Variants in TLL1 observed in about 807,000 individuals in gnomAD.
The protein encoded by TLL1 is tolloid-like protein 1.
Under a neutral mutation model 128.2 loss-of-function variants are expected in TLL1, and 49 were observed. That is an observed-to-expected ratio of 0.38 (90% CI 0.30 to 0.48). The LOEUF is 0.48. Among genes scored for constraint, TLL1 ranks in the 20% least tolerant of loss-of-function variants. The pLI is 0.96. For missense variants in TLL1, 1,123 were observed against 1,242.0 expected (o/e 0.90, Z 1.44); for synonymous variants, 454 against 418.8 (o/e 1.08, Z -1.03).
chr4:165,874,520 G>T (rs1038588586), intron 1 of TLL1, among the ~76,000 whole-genome samples: 1 of 152,116 alleles, frequency 6.6e-6, no homozygotes, highest in Non-Finnish European at 1.5e-5. Context: ...TTCCCCAAAA[G>T]ATACAGGAGG....
At chr4:165,979,163 C>G (rs559367831) in intron 1 of TLL1, among the ~76,000 whole-genome samples, 3 of 152,186 alleles carry the variant, frequency 2.0e-5, no homozygotes, top group East Asian at 3.9e-4. Flanking sequence ...ACATGCATAT[C>G]CTATGACCCA....
intron 1 of TLL1, among the ~76,000 whole-genome samples, chr4:165,928,384 G>A (rs7434734): frequency 6.6e-6 from 1 of 152,282 alleles, no homozygotes; most frequent in East Asian, 1.9e-4. Flanking sequence ...TTCTACAGTA[G>A]AACAGGGTAG....
At chr4:165,956,591 C>A (rs1444377359) in intron 1 of TLL1, among the ~76,000 whole-genome samples, 2 of 152,010 alleles carry the variant, frequency 1.3e-5, no homozygotes, top group Non-Finnish European at 1.5e-5. Flanking sequence ...TTCCCTTGTT[C>A]CCTAAAAATC....
intron 12 of TLL1, among the ~76,000 whole-genome samples, chr4:166,049,467 T>C: frequency 6.6e-6 from 1 of 152,190 alleles, no homozygotes; most frequent in East Asian, 1.9e-4. Flanking sequence ...TGAATATTAT[T>C]TGGCCATAGC....
chr4:166,051,701 C>T (rs1739746637), intron 12 of TLL1, among the ~76,000 whole-genome samples: 1 of 152,072 alleles, frequency 6.6e-6, no homozygotes, highest in Admixed American at 6.5e-5. Flanking sequence ...AACTGAAGAC[C>T]ATTCAGGTAA....
chr4:165,976,981 G>C (rs550653467), intron 1 of TLL1, among the ~76,000 whole-genome samples: 1 of 152,132 alleles, frequency 6.6e-6, no homozygotes, highest in Non-Finnish European at 1.5e-5. Context: ...ACCCAAGACA[G>C]TTCTTCCAGT....
At chr4:165,986,119 T>C (rs1455288677) in intron 1 of TLL1, among the ~76,000 whole-genome samples, 19 of 152,008 alleles carry the variant, frequency 1.2e-4, no homozygotes, top group Non-Finnish European at 2.9e-5. Context: ...AACTTTGTTT[T>C]TTGAGGTAAA....
At position 166,010,634 on chromosome 4, in the gene TLL1, A is replaced by C. The variant is rs188018618; in HGVS notation, c.917+2586A>C. On this transcript the variant is annotated intron_variant, in intron 7 of 20. Transcript: ENST00000061240. ...CAGTTGGCTGTGTCCTTTGATGTACACAATGCTGTATGTTTGATGTCATCC... is the reference window on the plus strand; with the variant it reads ...CAGTTGGCTGTGTCCTTTGATGTACCCAATGCTGTATGTTTGATGTCATCC... 2.1e-3 allele frequency among the ~76,000 whole-genome samples: 324 copies of C among 150,852 alleles called. 9 individuals carry two copies. Among genetic ancestry groups the C allele is most frequent in the Admixed American group, 0.02 (298 of 15,052 alleles).
chr4:166,039,309 C>A, intron 9 of TLL1, 30 bp from the exon 10 acceptor site: 1 of 1,487,314 alleles, frequency 6.7e-7, no homozygotes, highest in Non-Finnish European at 9.4e-7. Context: ...ATCATTTTTA[C>A]TCTGTGGGTT....
chr4:165,889,863 T>G (rs1731318163), intron 1 of TLL1, among the ~76,000 whole-genome samples: 2 of 152,236 alleles, frequency 1.3e-5, no homozygotes, highest in South Asian at 4.1e-4. Context: ...TTATTAAAAC[T>G]TTTAATAATA....
intron 1 of TLL1, among the ~76,000 whole-genome samples, chr4:165,936,902 C>A (rs1006279308): frequency 1.3e-5 from 2 of 152,136 alleles, no homozygotes; most frequent in African/African-American, 4.8e-5. Context: ...CACTGCACCC[C>A]AGCCTGAGTG....
chr4:165,960,648 G>A (rs750075400), intron 1 of TLL1, among the ~76,000 whole-genome samples: 3 of 152,082 alleles, frequency 2.0e-5, no homozygotes, highest in African/African-American at 7.2e-5. Context: ...GGGATGCAAG[G>A]TTGTTTCGAC....
At chr4:166,018,135 T>C (rs574899828) in intron 8 of TLL1, among the ~76,000 whole-genome samples, 1 of 152,208 alleles carries the variant, frequency 6.6e-6, no homozygotes, top group Non-Finnish European at 1.5e-5. Flanking sequence ...GAGTTTGTTT[T>C]TTTCTTACTC....
rs185098007 is a variant in TLL1, at chr4:166,006,217, T to C, written c.812-1726T>C. On this transcript the variant is annotated intron_variant, in intron 6 of 20. Transcript: ENST00000061240. ...GGTTACTCTAATTCATGTTAGAATATGATTTCAAGAAGGAGGCTTGCCATT... is the reference window on the plus strand; with the variant it reads ...GGTTACTCTAATTCATGTTAGAATACGATTTCAAGAAGGAGGCTTGCCATT... 8.4e-4 allele frequency among the ~76,000 whole-genome samples: 128 copies of C among 151,972 alleles called. 1 individual carries two copies. Among genetic ancestry groups the C allele is most frequent in the African/African-American group, 2.8e-3 (115 of 41,548 alleles).
At chr4:166,044,263 G>A (rs1177587342) in intron 12 of TLL1, 1 of 840,260 alleles carries the variant, frequency 1.2e-6, no homozygotes, top group East Asian at 2.7e-5. Context: ...GTGATCAGAA[G>A]GTAGTCATGA....
intron 1 of TLL1, among the ~76,000 whole-genome samples, chr4:165,953,001 A>G (rs751061061): frequency 7.2e-5 from 11 of 152,184 alleles, no homozygotes; most frequent in Non-Finnish European, 1.5e-4. Context: ...TGGTGGATTC[A>G]AACTTTTTTT....
At chr4:166,077,576 G>T (rs1405631648) in intron 17 of TLL1, among the ~76,000 whole-genome samples, 2 of 152,112 alleles carry the variant, frequency 1.3e-5, no homozygotes, top group East Asian at 1.9e-4. Flanking sequence ...ACCCAGTGTG[G>T]ATATTCTCGA....
chr4:165,922,612 T>C (rs1382103263), intron 1 of TLL1, among the ~76,000 whole-genome samples: 2 of 152,210 alleles, frequency 1.3e-5, no homozygotes, highest in Non-Finnish European at 2.9e-5. Flanking sequence ...AATATTTTTC[T>C]TCAGGCATAT....
intron 15 of TLL1, among the ~76,000 whole-genome samples, chr4:166,061,188 G>A (rs536818740): frequency 2.6e-5 from 4 of 151,016 alleles, no homozygotes; most frequent in African/African-American, 7.3e-5. Flanking sequence ...TTTTGCTTTT[G>A]TGTGTCTATT....
Sources: allele counts gnomAD v4.1 joint callset (sites outside exome capture counted in the v4.1 genomes callset), GRCh38; gene constraint gnomAD v4.1.1; transcripts MANE v1.5; gene names NCBI Gene and HGNC (gene_info 2026-07-23, HGNC 2026-07-21).